Variants in FAM117B observed in about 807,000 individuals in gnomAD.
FAM117B encodes family with sequence similarity 117 member B.
In FAM117B, 22 loss-of-function variants were observed where a neutral mutation model predicts 52.8. That is an observed-to-expected ratio of 0.42 (90% CI 0.30 to 0.59). The LOEUF (loss-of-function observed/expected upper bound fraction) is 0.59. Ranked by LOEUF, FAM117B falls within the 20% of genes least tolerant of loss-of-function variation. FAM117B has a pLI of 0.22. For missense variants in FAM117B, 678 were observed against 802.6 expected (o/e 0.84, Z 1.88); for synonymous variants, 309 against 324.1 (o/e 0.95, Z 0.50).
chr2:202,719,637 G>A (rs1230842617), intron 2 of FAM117B, among the ~76,000 whole-genome samples: 2 of 152,060 alleles, frequency 1.3e-5, no homozygotes, highest in African/African-American at 2.4e-5. Flanking sequence ...TCAAATTCAG[G>A]AGATGTAAGA....
intron 1 of FAM117B, among the ~76,000 whole-genome samples, chr2:202,649,818 C>G (rs1689930826): frequency 1.3e-5 from 2 of 152,088 alleles, no homozygotes. Flanking sequence ...TCCCAGAGTG[C>G]TGGGATTTAC....
intron 4 of FAM117B, among the ~76,000 whole-genome samples, chr2:202,742,014 G>A (rs910447656): frequency 5.9e-5 from 9 of 152,124 alleles, no homozygotes; most frequent in Admixed American, 5.9e-4. Flanking sequence ...TCTACATGGG[G>A]AAAATTAAGA....
chr2:202,635,748 G>T lies in FAM117B; in HGVS notation c.561G>T (p.Ser187=). ...GGTCTCCGGAGCAGAGCCGAAGCTC[G>T]CCGGAGAAGAGGAGCCCCAGCGCCC... ...RRRSPEQSRS[S]PEKRSPSAPV... The change falls in exon 1 of 8, where the codon TCG becomes TCT. Residue 187 remains serine (S), a synonymous_variant. Coordinates refer to ENST00000392238, the MANE Select transcript of FAM117B (RefSeq NM_173511.4). 1 of 1,457,190 alleles carries T rather than the reference G, an allele frequency of 6.9e-7. No homozygotes were observed. The highest frequency in any genetic ancestry group is 9.0e-7 in the Non-Finnish European group (1 of 1,107,538). The allele number at this position is 1,457,190 out of a possible 1,614,324, so 90.3% of individuals were successfully genotyped here.
chr2:202,698,192 G>A (rs1445935145), intron 2 of FAM117B, among the ~76,000 whole-genome samples: 1 of 152,150 alleles, frequency 6.6e-6, no homozygotes. Flanking sequence ...AAAGAACCGA[G>A]TAAACACTTT....
intron 4 of FAM117B, among the ~76,000 whole-genome samples, chr2:202,732,606 G>A (rs748570698): frequency 5.3e-5 from 8 of 152,106 alleles, no homozygotes; most frequent in Admixed American, 6.5e-5. Flanking sequence ...ATCACTTGAG[G>A]TGAGGAATTT....
chr2:202,661,555 T>TA (rs1032861297), intron 1 of FAM117B, among the ~76,000 whole-genome samples: 11 of 152,182 alleles, frequency 7.2e-5, no homozygotes, highest in African/African-American at 2.7e-4. Flanking sequence ...GTAATGAGTG[T>TA]ATAAACCTGG....
chr2:202,652,503 AT>A (rs908154041), intron 1 of FAM117B, among the ~76,000 whole-genome samples: 1 of 152,154 alleles, frequency 6.6e-6, no homozygotes, highest in Non-Finnish European at 1.5e-5. Flanking sequence ...GATAATTCAG[AT>A]TTTTGCAGTA....
chr2:202,703,579 G>A (rs1690827996), intron 2 of FAM117B, among the ~76,000 whole-genome samples: 1 of 152,096 alleles, frequency 6.6e-6, no homozygotes, highest in Non-Finnish European at 1.5e-5. Context: ...TGGTCTAGAA[G>A]TCCTGGCCCC....
At position 202,748,860 on chromosome 2, in the gene FAM117B, C is replaced by A. The variant is rs77727055; in HGVS notation, c.961-6678C>A. 4.7e-4 allele frequency among the ~76,000 whole-genome samples: 72 copies of A among 152,078 alleles called. No homozygotes were observed. The East Asian group carries it at 0.013, about 27-fold the overall frequency. The stretch of plus-strand genomic sequence containing the variant: ...CCCTGCGCTCACATGTTTATCGTAG[C>A]CACTCTCGGTAGCCATTGTATGGAA... On this transcript the variant is annotated intron_variant, in intron 4 of 7. Coordinates refer to ENST00000392238, the MANE Select transcript of FAM117B (RefSeq NM_173511.4).
chr2:202,732,404 C>A (rs1003861796), intron 4 of FAM117B, among the ~76,000 whole-genome samples: 1 of 152,092 alleles, frequency 6.6e-6, no homozygotes, highest in Non-Finnish European at 1.5e-5. Flanking sequence ...GTAGAAAAAA[C>A]CCAATGTCTA....
chr2:202,729,333 CA>C (rs56354620), intron 4 of FAM117B, among the ~76,000 whole-genome samples: 39,642 of 141,054 alleles, frequency 0.28, 5,474 homozygotes, highest in South Asian at 0.39. Flanking sequence ...GACTCCATCT[CA>C]AAAAAAAAAA....
chr2:202,681,684 C>T (rs1690464897), intron 1 of FAM117B, among the ~76,000 whole-genome samples: 2 of 152,192 alleles, frequency 1.3e-5, no homozygotes, highest in Admixed American at 1.3e-4. Flanking sequence ...GAGAGAAAAT[C>T]AGAATTTAGA....
At chr2:202,724,848 G>A in intron 2 of FAM117B, 69 bp from the exon 3 acceptor site, 1 of 1,143,450 alleles carries the variant, frequency 8.7e-7, no homozygotes, top group Non-Finnish European at 1.2e-6. Flanking sequence ...TTTTATAATA[G>A]AAAAATATGG....
chr2:202,747,797 A>G (rs1691657275), intron 4 of FAM117B, among the ~76,000 whole-genome samples: 1 of 152,172 alleles, frequency 6.6e-6, no homozygotes, highest in Non-Finnish European at 1.5e-5. Flanking sequence ...CACTAATGAA[A>G]GAAATTGAAG....
At chr2:202,656,162 G>GTC (rs1166396493) in intron 1 of FAM117B, among the ~76,000 whole-genome samples, 1 of 152,046 alleles carries the variant, frequency 6.6e-6, no homozygotes, top group Non-Finnish European at 1.5e-5. Context: ...TATAGGTCTT[G>GTC]TCAAAGAACC....
intron 1 of FAM117B, among the ~76,000 whole-genome samples, chr2:202,692,797 T>C (rs1372218447): frequency 6.6e-6 from 1 of 152,224 alleles, no homozygotes; most frequent in Non-Finnish European, 1.5e-5. Flanking sequence ...GAGAGGGCCA[T>C]ATGAGGTCTT....
intron 2 of FAM117B, among the ~76,000 whole-genome samples, chr2:202,699,445 A>AAAAG (rs1690764114): frequency 7.7e-6 from 1 of 129,852 alleles, no homozygotes; most frequent in Non-Finnish European, 1.6e-5. Context: ...AAAAAAAAAA[A>AAAAG]AAAGAAAAAA....
intron 2 of FAM117B, among the ~76,000 whole-genome samples, chr2:202,721,366 A>AT (rs1246950340): frequency 6.6e-6 from 1 of 152,142 alleles, no homozygotes; most frequent in Non-Finnish European, 1.5e-5. Flanking sequence ...GCAAAAAACT[A>AT]TTTTCATAAA....
At chr2:202,734,343 G>A (rs572607910) in intron 4 of FAM117B, among the ~76,000 whole-genome samples, 1 of 152,226 alleles carries the variant, frequency 6.6e-6, no homozygotes, top group South Asian at 2.1e-4. Flanking sequence ...GCAACATAAT[G>A]AGACCCTGTC....
Sources: gnomAD v4.1 joint callset for allele counts (sites outside exome capture counted in the v4.1 genomes callset) on GRCh38, gnomAD v4.1.1 for gene constraint, MANE v1.5 for transcripts, NCBI Gene and HGNC (gene_info 2026-07-23, HGNC 2026-07-21) for gene names.